The following SLC44A1 variants were observed in gnomAD, a reference collection of about 807,000 sequenced individuals.
SLC44A1 encodes the protein choline transporter-like protein 1.
In SLC44A1, 26 loss-of-function variants were observed where a neutral mutation model predicts 79.3. The ratio of observed to expected loss-of-function variants is 0.33; its 90% CI spans 0.24 to 0.46. The LOEUF is 0.46. SLC44A1 is among the 20% of genes least tolerant of loss of function. The pLI is 1.00. For synonymous variants in SLC44A1, 263 were observed against 286.2 expected, an observed-to-expected ratio of 0.92 and a Z score of 0.82; for missense variants, 688 against 798.1, an observed-to-expected ratio of 0.86 and a Z score of 1.66.
intron 2 of SLC44A1, among the ~76,000 whole-genome samples, chr9:105,305,303 C>T (rs1209247116): frequency 6.6e-6 from 1 of 151,720 alleles, no homozygotes; most frequent in Admixed American, 6.6e-5. Flanking sequence ...TTTCCTCATT[C>T]TTAGAGAGAG....
chr9:105,436,580 C>CAAAT (rs371512528), intron 15 of SLC44A1, among the ~76,000 whole-genome samples: 5 of 151,880 alleles, frequency 3.3e-5, no homozygotes, highest in East Asian at 1.9e-4. Context: ...GACCTTGTCT[C>CAAAT]AAATAAATAA....
At chr9:105,409,421 A>G (rs1829068677) in intron 15 of SLC44A1, among the ~76,000 whole-genome samples, 1 of 152,170 alleles carries the variant, frequency 6.6e-6, no homozygotes, top group African/African-American at 2.4e-5. Context: ...GCAGTGGCTC[A>G]CCCTTGTAAT....
intron 5 of SLC44A1, among the ~76,000 whole-genome samples, chr9:105,354,443 A>G (rs984787258): frequency 2.6e-5 from 4 of 152,202 alleles, no homozygotes; most frequent in Non-Finnish European, 5.9e-5. Flanking sequence ...TCATTAGTGA[A>G]GCACTTTTTG....
chr9:105,311,690 TA>T (rs1299956340), intron 3 of SLC44A1, among the ~76,000 whole-genome samples: 4 of 152,232 alleles, frequency 2.6e-5, no homozygotes, highest in African/African-American at 7.2e-5. Context: ...AGCTGTTCCT[TA>T]ATTCATGTAC....
chr9:105,318,983 T>A (rs1211553595), intron 3 of SLC44A1, among the ~76,000 whole-genome samples: 1 of 152,112 alleles, frequency 6.6e-6, no homozygotes, highest in Non-Finnish European at 1.5e-5. Flanking sequence ...CTGTGAAGAT[T>A]TTTACAAGCT....
At chr9:105,420,915 G>A (rs893107175) in intron 15 of SLC44A1, among the ~76,000 whole-genome samples, 2 of 140,322 alleles carry the variant, frequency 1.4e-5, no homozygotes, top group Non-Finnish European at 3.1e-5. Flanking sequence ...ACGTGCTGTT[G>A]TGTTGCTTTG....
At chr9:105,417,756 T>C (rs1417569532) in intron 15 of SLC44A1, among the ~76,000 whole-genome samples, 2 of 148,608 alleles carry the variant, frequency 1.3e-5, no homozygotes, top group African/African-American at 2.5e-5. Context: ...TAATCCCAGC[T>C]ACTCAGGAGG....
chr9:105,382,678 A>C (rs955462999), intron 13 of SLC44A1, among the ~76,000 whole-genome samples: 5 of 152,306 alleles, frequency 3.3e-5, no homozygotes, highest in Middle Eastern at 3.4e-3. Context: ...TATTAATGAA[A>C]AGCTTATAGT....
At chr9:105,400,235 A>G (rs1828939261), downstream of SLC44A1, among the ~76,000 whole-genome samples, 1 of 152,148 alleles carries the variant, frequency 6.6e-6, no homozygotes, top group Admixed American at 6.6e-5. Flanking sequence ...TCATGCCTGT[A>G]ATCCCAGCAC....
At chr9:105,342,681 A>G (rs1267174165) in intron 4 of SLC44A1, among the ~76,000 whole-genome samples, 1 of 152,184 alleles carries the variant, frequency 6.6e-6, no homozygotes, top group Non-Finnish European at 1.5e-5. Flanking sequence ...CCCATTGTTC[A>G]GCATGGGCAT....
chr9:105,262,190 C>A (rs921799500), intron 1 of SLC44A1, among the ~76,000 whole-genome samples: 1 of 152,070 alleles, frequency 6.6e-6, no homozygotes, highest in African/African-American at 2.4e-5. Context: ...ACTAGAAATA[C>A]AAAAGTGCCC....
At chr9:105,419,767 T>C (rs1389919542) in intron 15 of SLC44A1, among the ~76,000 whole-genome samples, 3 of 151,752 alleles carry the variant, frequency 2.0e-5, no homozygotes, top group Admixed American at 6.6e-5. Context: ...ATACAAAAAT[T>C]AGCCGGGCAT....
Position 105,363,144 on chromosome 9 carries a change from T to C in SLC44A1, c.1087+137T>C, listed in dbSNP as rs1234594086. 2.0e-5 allele frequency: 13 copies of C among 663,456 alleles called. No homozygotes were observed. In the South Asian group the frequency reaches 2.7e-4, roughly 14 times the overall value. The allele number at this position is 663,456 out of a possible 1,614,324, so 41.1% of individuals were successfully genotyped here. On this transcript the variant is annotated intron_variant, in intron 9 of 15. Transcript: ENST00000374720. ...CATCAGAACTTGTAGTGGTTATGGC[T>C]CCTCAACAACCTACTTCATATTCGT...
intron 1 of SLC44A1, among the ~76,000 whole-genome samples, chr9:105,292,340 G>A (rs2131274217): frequency 6.6e-6 from 1 of 152,274 alleles, no homozygotes; most frequent in African/African-American, 2.4e-5. Context: ...CACAATAAGT[G>A]TCAGAAAACA....
chr9:105,343,604 A>G (rs1194749416), intron 4 of SLC44A1, among the ~76,000 whole-genome samples: 1 of 152,240 alleles, frequency 6.6e-6, no homozygotes, highest in Admixed American at 6.5e-5. Flanking sequence ...GATCAACTCT[A>G]GCAACCGAAT....
At position 105,395,991 on chromosome 9, in the gene SLC44A1, T is replaced by A; in HGVS notation, c.*6935T>A. 1 of 985,032 alleles carries A rather than the reference T, an allele frequency of 1.0e-6. No individual in the cohort carries two copies. Among genetic ancestry groups the A allele is most frequent in the Non-Finnish European group, 1.2e-6 (1 of 829,762 alleles). 61.0% of individuals were successfully genotyped at this position (985,032 alleles called of 1,614,324 possible). On this transcript the variant is annotated 3_prime_UTR_variant, in exon 16 of 16. Transcript: ENST00000374720. ...GGGGCTGGTGATTTGAAACAGGGACTATTAAGTAGATTTTCCCCCATCCTC... is the reference window on the plus strand; with the variant it reads ...GGGGCTGGTGATTTGAAACAGGGACAATTAAGTAGATTTTCCCCCATCCTC...
chr9:105,260,735 G>A (rs1227228308), intron 1 of SLC44A1, among the ~76,000 whole-genome samples: 1 of 152,176 alleles, frequency 6.6e-6, no homozygotes, highest in Non-Finnish European at 1.5e-5. Context: ...CTGCTATGGG[G>A]TCAGCTGGGC....
chr9:105,409,071 G>A (rs1321279928), intron 15 of SLC44A1, among the ~76,000 whole-genome samples: 1 of 152,016 alleles, frequency 6.6e-6, no homozygotes, highest in East Asian at 1.9e-4. Flanking sequence ...CAACAAAATG[G>A]CAGAAGCAAG....
In SLC44A1 at chr9:105,383,672, T is replaced by G. The variant is rs1051664820; in HGVS notation, c.1869+313T>G. On this transcript the variant is annotated intron_variant, in intron 14 of 15. Transcript: ENST00000374720. ...TGACTTTTTAAACTAGCTTCTAGCCTTTTCCTGAAATGGGGCTCAAAGACA... is the reference window on the plus strand; with the variant it reads ...TGACTTTTTAAACTAGCTTCTAGCCGTTTCCTGAAATGGGGCTCAAAGACA... Among the ~76,000 whole-genome samples the G allele has an allele frequency of 4.6e-5, 7 of 152,318 alleles. No individual in the cohort carries two copies. The East Asian group carries it at 1.4e-3, about 29-fold the overall frequency.
Sources: gnomAD v4.1 joint callset for allele counts (sites outside exome capture counted in the v4.1 genomes callset) on GRCh38, gnomAD v4.1.1 for gene constraint, MANE v1.5 for transcripts, NCBI Gene and HGNC (gene_info 2026-07-23, HGNC 2026-07-21) for gene names.